The following HPSE2 variants were observed in gnomAD, a reference collection of about 807,000 sequenced individuals.
HPSE2 encodes the protein heparanase 2 (inactive).
HPSE2 carries 38 observed loss-of-function variants against 60.5 expected under a neutral mutation model. That is an observed-to-expected ratio of 0.63 (90% confidence interval 0.48 to 0.82). The LOEUF (loss-of-function observed/expected upper bound fraction) is 0.82, where lower values mean the gene tolerates loss of function less well. HPSE2 is among the 40% of genes least tolerant of loss of function. The pLI is 0.00. For synonymous variants in HPSE2, 295 were observed against 293.2 expected (o/e 1.01, Z -0.06); for missense variants, 713 against 740.4 (o/e 0.96, Z 0.43).
At chr10:98,630,342 C>T (rs140137362) in intron 7 of HPSE2, among the ~76,000 whole-genome samples, 115 of 152,064 alleles carry the variant, frequency 7.6e-4, no homozygotes, top group Non-Finnish European at 9.4e-4. Context: ...GGACTACAGG[C>T]GCCCGCCACC....
chr10:98,597,958 G>A (rs1945289363), intron 9 of HPSE2, among the ~76,000 whole-genome samples: 1 of 117,344 alleles, frequency 8.5e-6, no homozygotes, highest in Non-Finnish European at 1.6e-5. Context: ...GTGACAGAGT[G>A]AGACTCCATC....
chr10:98,858,940 G>A (rs186282743), intron 3 of HPSE2, among the ~76,000 whole-genome samples: 10 of 152,076 alleles, frequency 6.6e-5, no homozygotes, highest in Admixed American at 1.3e-4. Context: ...TTTGTTTTTC[G>A]TTTTCATAGT....
chr10:99,035,643 C>A (rs568069793), intron 3 of HPSE2, among the ~76,000 whole-genome samples: 1 of 152,260 alleles, frequency 6.6e-6, no homozygotes, highest in African/African-American at 2.4e-5. Context: ...AGTGGCAGCA[C>A]AACAGATGAT....
intron 9 of HPSE2, among the ~76,000 whole-genome samples, chr10:98,512,325 T>G (rs1942435192): frequency 6.6e-6 from 1 of 152,248 alleles, no homozygotes; most frequent in South Asian, 2.1e-4. Context: ...CTCACGCCTG[T>G]AATCCCAGCA....
rs1272242160 is a variant in HPSE2 at position 98,888,383 on chromosome 10, C to A, written c.611-144327G>T. On this transcript the variant is annotated intron_variant, in intron 3 of 11. Coordinates refer to ENST00000370552, the MANE Select transcript of HPSE2 (RefSeq NM_021828.5). ...TGAAAAGGATACATATTTTTACCTGCTTATTGTTTAAAAACATAATAATTA... is the reference window on the plus strand; with the variant it reads ...TGAAAAGGATACATATTTTTACCTGATTATTGTTTAAAAACATAATAATTA... Among the ~76,000 whole-genome samples the A allele has an allele frequency of 2.0e-5, 3 of 152,162 alleles. No individual in the cohort carries two copies. The East Asian group carries it at 5.8e-4, about 29-fold the overall frequency.
chr10:98,607,494 G>T (rs1310423292), intron 9 of HPSE2, among the ~76,000 whole-genome samples: 1 of 152,176 alleles, frequency 6.6e-6, no homozygotes, highest in South Asian at 2.1e-4. Context: ...AATACCAAAT[G>T]AAGGTGCTGG....
At chr10:99,285,615 G>C in the HPSE2 span, among the ~76,000 whole-genome samples, 1 of 151,844 alleles carries the variant, frequency 6.6e-6, no homozygotes, top group African/African-American at 2.4e-5. Flanking sequence ...GACTTGAATA[G>C]ACACTTCTCC....
intron 2 of HPSE2, among the ~76,000 whole-genome samples, chr10:99,197,984 T>C (rs191626596): frequency 5.8e-4 from 88 of 152,062 alleles, no homozygotes; most frequent in South Asian, 8.3e-4. Flanking sequence ...GGCAAGAGAA[T>C]TGCTTGAACC....
the HPSE2 span, among the ~76,000 whole-genome samples, chr10:99,258,169 T>C: frequency 6.6e-6 from 1 of 151,776 alleles, no homozygotes; most frequent in South Asian, 2.1e-4. Flanking sequence ...GGTTATAAGA[T>C]CAATATACAA....
At chr10:98,549,519 T>G (rs1003615085) in intron 9 of HPSE2, among the ~76,000 whole-genome samples, 1 of 152,180 alleles carries the variant, frequency 6.6e-6, no homozygotes, top group African/African-American at 2.4e-5. Context: ...TTTAAAAACC[T>G]ATTTCCTTAT....
chr10:99,253,100 A>G, the HPSE2 span, among the ~76,000 whole-genome samples: 1 of 152,148 alleles, frequency 6.6e-6, no homozygotes, highest in Non-Finnish European at 1.5e-5. Flanking sequence ...CAAACTACCA[A>G]TGTCATTTTT....
chr10:98,690,791 G>A (rs1048261423), intron 6 of HPSE2, among the ~76,000 whole-genome samples: 1 of 151,712 alleles, frequency 6.6e-6, no homozygotes, highest in Non-Finnish European at 1.5e-5. Flanking sequence ...CTTTTTCTGG[G>A]TTTTCTAAAT....
intron 5 of HPSE2, among the ~76,000 whole-genome samples, chr10:98,712,543 T>C (rs1565101261): frequency 6.6e-6 from 1 of 152,096 alleles, no homozygotes; most frequent in Non-Finnish European, 1.5e-5. Flanking sequence ...AGTAGAAGTG[T>C]TGTTGATTAG....
At chr10:99,256,870 G>C in the HPSE2 span, among the ~76,000 whole-genome samples, 1 of 152,156 alleles carries the variant, frequency 6.6e-6, no homozygotes, top group South Asian at 2.1e-4. Flanking sequence ...TGGCCAACAT[G>C]GTGATACCCT....
intron 9 of HPSE2, among the ~76,000 whole-genome samples, chr10:98,559,725 A>G (rs1944116828): frequency 6.6e-6 from 1 of 152,240 alleles, no homozygotes; most frequent in South Asian, 2.1e-4. Flanking sequence ...TGAGAAGTAA[A>G]GACAGCCTGG....
At chr10:98,723,351 CT>C (rs1948979020) in intron 4 of HPSE2, among the ~76,000 whole-genome samples, 1 of 151,110 alleles carries the variant, frequency 6.6e-6, no homozygotes, top group African/African-American at 2.4e-5. Flanking sequence ...TGATGTGTTG[CT>C]GAATTCGGTT....
intron 3 of HPSE2, among the ~76,000 whole-genome samples, chr10:98,868,765 TA>T (rs1451737818): frequency 6.6e-6 from 1 of 152,208 alleles, no homozygotes; most frequent in Non-Finnish European, 1.5e-5. Flanking sequence ...ACCTTAGCAG[TA>T]TCATAGAAAT....
At chr10:99,073,852 C>A (rs1444496835) in intron 3 of HPSE2, among the ~76,000 whole-genome samples, 2 of 149,814 alleles carry the variant, frequency 1.3e-5, no homozygotes, top group East Asian at 3.9e-4. Context: ...TTGGATAGTT[C>A]ATTGTTAGTG....
chr10:98,495,173 G>GT (rs1022209273), intron 9 of HPSE2, among the ~76,000 whole-genome samples: 317 of 146,840 alleles, frequency 2.2e-3, no homozygotes, highest in East Asian at 6.9e-3. Context: ...TTTGTTGACA[G>GT]TTTTTTTTTT....
Sources: allele counts gnomAD v4.1 joint callset (sites outside exome capture counted in the v4.1 genomes callset), GRCh38; gene constraint gnomAD v4.1.1; transcripts MANE v1.5; gene names NCBI Gene and HGNC (gene_info 2026-07-23, HGNC 2026-07-21).